The following TM6SF1 variants were observed in gnomAD, a reference collection of about 807,000 sequenced individuals.
TM6SF1 encodes transmembrane 6 superfamily member 1.
A neutral mutation model predicts 47.1 loss-of-function variants in TM6SF1; 43 were observed. That is an observed-to-expected ratio of 0.91 (90% CI 0.72 to 1.18). TM6SF1 has a LOEUF of 1.18. Among genes scored for constraint, TM6SF1 ranks in the 50% most tolerant of loss-of-function variants. The pLI, the probability that TM6SF1 is intolerant of heterozygous loss-of-function variation, is 0.00. For missense variants in TM6SF1, 390 were observed against 449.0 expected (o/e 0.87, Z 1.19); for synonymous variants, 177 against 166.3 (o/e 1.06, Z -0.49).
At chr15:83,122,736 C>T (rs777262526) in intron 5 of TM6SF1, 21 bp from the exon 6 acceptor site, 1 of 1,609,278 alleles carries the variant, frequency 6.2e-7, no homozygotes, top group East Asian at 2.2e-5. Context: ...TAACTTCTTT[C>T]TCTTTCTCTC....
chr15:83,117,973 T>G (rs2034831607), intron 3 of TM6SF1, among the ~76,000 whole-genome samples: 1 of 151,982 alleles, frequency 6.6e-6, no homozygotes, highest in Non-Finnish European at 1.5e-5. Flanking sequence ...GCAATAAAGT[T>G]GATAGATTTG....
rs2151390893 is a variant in TM6SF1 at position 83,136,669 on chromosome 15, A to G, written c.1110A>G (p.Glu370=). The change falls in exon 10 of 10, where the codon GAA becomes GAG. Residue 370 remains glutamate, a synonymous_variant. Coordinates refer to ENST00000322019, the MANE Select transcript of TM6SF1 (RefSeq NM_023003.5). ...FIKTKAEEKV[E] is the part of the protein sequence containing the mutation. ...AAACAAAGGCAGAAGAAAAAGTGGAATAAAAATATTACTTCATGTTCCTCC... is the reference window on the plus strand; with the variant it reads ...AAACAAAGGCAGAAGAAAAAGTGGAGTAAAAATATTACTTCATGTTCCTCC... The G allele has an allele frequency of 6.3e-7, 1 of 1,591,842 alleles. No individual in the cohort carries two copies. Among genetic ancestry groups the G allele is most frequent in the Non-Finnish European group, 8.5e-7 (1 of 1,173,748 alleles).
At chr15:83,118,801 G>A (rs2034940854) in intron 3 of TM6SF1, among the ~76,000 whole-genome samples, 2 of 152,148 alleles carry the variant, frequency 1.3e-5, no homozygotes, top group Admixed American at 6.5e-5. Flanking sequence ...AAAATGCACG[G>A]AAAATTGATG....
At position 83,122,898 on chromosome 15, in the gene TM6SF1, A is replaced by C; in HGVS notation, c.603+20A>C. ...TCAAAGGTGATTTTATTAAGCTTTG[A>C]TGTACCCTGTTCTCAAACTCATAGG... On this transcript the variant is annotated intron_variant, in intron 6 of 9. Transcript: ENST00000322019. 1 of 1,613,396 alleles carries C rather than the reference A, an allele frequency of 6.2e-7. No homozygotes were observed. The highest frequency in any genetic ancestry group is 8.5e-7 in the Non-Finnish European group (1 of 1,179,788).
chr15:83,119,847 C>T, intron 4 of TM6SF1, 166 bp downstream of exon 4: 1 of 1,044,950 alleles, frequency 9.6e-7, no homozygotes, highest in East Asian at 2.6e-5. Flanking sequence ...TGTACCACTG[C>T]CTTTTGAATA....
chr15:83,126,694 T>C (rs2035779840), intron 7 of TM6SF1, 61 bp from the exon 8 acceptor site: 3 of 1,399,376 alleles, frequency 2.1e-6, no homozygotes, highest in Non-Finnish European at 3.0e-6. Flanking sequence ...TTTAGCCTTA[T>C]CAGCAAACCT....
chr15:83,128,475 C>T (rs1022013490), intron 9 of TM6SF1: 11 of 152,136 alleles, frequency 7.2e-5, no homozygotes, highest in African/African-American at 2.7e-4. Context: ...GTTGTTTTTC[C>T]TTTGCAGACC....
intron 1 of TM6SF1, among the ~76,000 whole-genome samples, chr15:83,109,292 G>A (rs1444761597): frequency 6.6e-6 from 1 of 152,152 alleles, no homozygotes; most frequent in Non-Finnish European, 1.5e-5. Flanking sequence ...GGAATTGGAT[G>A]GGCGTAGTAG....
At chr15:83,120,374 CT>C in intron 4 of TM6SF1, among the ~76,000 whole-genome samples, 1 of 152,272 alleles carries the variant, frequency 6.6e-6, no homozygotes, top group South Asian at 2.1e-4. Flanking sequence ...ACACCCACAG[CT>C]TTTTTTCTGC....
rs576942976 is a variant in TM6SF1, at chr15:83,110,425, G to T, written c.93-2372G>T. ...TTGTAGGAGGGTCTCTGGGGACAGT[G>T]CCAAGAGTCAGAGACAATCTGCTGC... On this transcript the variant is annotated intron_variant, in intron 1 of 9. Transcript: ENST00000322019. 6.6e-5 allele frequency among the ~76,000 whole-genome samples: 10 copies of T among 152,272 alleles called. No homozygotes were observed. In the South Asian group the frequency reaches 2.1e-3, roughly 32 times the overall value.
rs192078860 is a variant in TM6SF1 at position 83,111,026 on chromosome 15, T to G, written c.93-1771T>G. On this transcript the variant is annotated intron_variant, in intron 1 of 9. Transcript: ENST00000322019. ...GCGGGGATTACAGGCATCCGCCACC[T>G]CGCCTGGCTAATTTTTTGTATTTTT... Among the ~76,000 whole-genome samples the G allele has an allele frequency of 1.0e-3, 153 of 152,128 alleles. 1 individual carries two copies. The highest frequency in any genetic ancestry group is 3.5e-3 in the African/African-American group (146 of 41,506).
At position 83,118,403 on chromosome 15, in the gene TM6SF1, G is replaced by A. The variant is rs138050153; in HGVS notation, c.295-1175G>A. ...TTAAAGATGCTCATCAAGCTACCAG[G>A]AGAGGCCAGCACTGGCTCAGAGAGC... On this transcript the variant is annotated intron_variant, in intron 3 of 9. Coordinates refer to ENST00000322019, the MANE Select transcript of TM6SF1 (RefSeq NM_023003.5). 1.5e-3 allele frequency among the ~76,000 whole-genome samples: 221 copies of A among 152,322 alleles called. 3 individuals carry two copies. In the South Asian group the frequency reaches 0.016, roughly 11 times the overall value.
intron 1 of TM6SF1, among the ~76,000 whole-genome samples, chr15:83,109,677 G>T (rs1373526711): frequency 1.3e-5 from 2 of 152,088 alleles, no homozygotes; most frequent in Admixed American, 6.6e-5. Flanking sequence ...TGTGGCAAAG[G>T]CTCCGGTGCA....
chr15:83,121,453 T>C (rs2035236374), intron 4 of TM6SF1, among the ~76,000 whole-genome samples: 1 of 152,228 alleles, frequency 6.6e-6, no homozygotes, highest in African/African-American at 2.4e-5. Context: ...ATGGGGTACA[T>C]GTCACTTGTC....
Position 83,127,390 on chromosome 15 carries a change from C to G in TM6SF1, c.834C>G (p.Tyr278Ter). 6.2e-7 allele frequency: 1 copy of G among 1,613,910 alleles called. No homozygotes were observed. Among genetic ancestry groups the G allele is most frequent in the Non-Finnish European group, 8.5e-7 (1 of 1,179,910 alleles). Reference sequence around the variant, plus strand: ...CATATATGTTCTATTCTGTTCCTTACTTTGTGACTGCACTGTATGGCTTAG... The same window carrying G: ...CATATATGTTCTATTCTGTTCCTTAGTTTGTGACTGCACTGTATGGCTTAG... ...MLAYMFYSVP[Y>*]FVTALYGLVV... The change falls in exon 9 of 10, where the codon TAC becomes TAG. Residue 278 changes from tyrosine to a stop codon, truncating the protein, a stop_gained. Coordinates refer to ENST00000322019, the MANE Select transcript of TM6SF1 (RefSeq NM_023003.5). LOFTEE classifies it high-confidence loss of function.
At chr15:83,133,089 A>T (rs1019639862) in intron 9 of TM6SF1, 28 of 152,178 alleles carry the variant, frequency 1.8e-4, no homozygotes, top group Admixed American at 1.1e-3. Context: ...ATAACAACCT[A>T]TGAGGTGGGT....
intron 3 of TM6SF1, among the ~76,000 whole-genome samples, chr15:83,117,424 G>T (rs1244537105): frequency 6.6e-6 from 1 of 152,154 alleles, no homozygotes; most frequent in South Asian, 2.1e-4. Flanking sequence ...TTGCCTATGA[G>T]AAGGTAGAGA....
At chr15:83,120,796 C>T (rs2035160228) in intron 4 of TM6SF1, among the ~76,000 whole-genome samples, 1 of 151,964 alleles carries the variant, frequency 6.6e-6, no homozygotes, top group African/African-American at 2.4e-5. Flanking sequence ...AAACTCCTGA[C>T]CTCTGGTGAT....
At chr15:83,136,394 T>G (rs1404466051) in intron 9 of TM6SF1, 87 bp from the exon 10 acceptor site, 1 of 1,184,130 alleles carries the variant, frequency 8.4e-7, no homozygotes, top group African/African-American at 1.5e-5. Context: ...CACAGAAACG[T>G]AGCCTGAATG....
Sources: gnomAD v4.1 joint callset for allele counts (sites outside exome capture counted in the v4.1 genomes callset) on GRCh38, gnomAD v4.1.1 for gene constraint, MANE v1.5 for transcripts, NCBI Gene and HGNC (gene_info 2026-07-23, HGNC 2026-07-21) for gene names.